The following RASAL2 variants were observed in gnomAD, a reference collection of about 807,000 sequenced individuals.
RASAL2 encodes the protein RAS protein activator like 2.
A neutral mutation model predicts 128.9 loss-of-function variants in RASAL2; 58 were observed. The observed-to-expected ratio is 0.45, with a 90% confidence interval of 0.36 to 0.56. RASAL2 has a LOEUF of 0.56. Among genes scored for constraint, RASAL2 ranks in the 20% least tolerant of loss-of-function variants. RASAL2 has a pLI of 0.00. For missense variants in RASAL2, 1,360 were observed against 1,601.6 expected, an observed-to-expected ratio of 0.85 and a Z score of 2.57; for synonymous variants, 561 against 580.8, an observed-to-expected ratio of 0.97 and a Z score of 0.49.
chr1:178,242,280 A>G (rs1462278768), intron 1 of RASAL2, among the ~76,000 whole-genome samples: 1 of 152,106 alleles, frequency 6.6e-6, no homozygotes, highest in Non-Finnish European at 1.5e-5. Context: ...ACTCATGAGG[A>G]TACTTACACG....
chr1:178,445,738 T>C (rs1194135185), intron 9 of RASAL2, 76 bp downstream of exon 9: 1 of 1,423,630 alleles, frequency 7.0e-7, no homozygotes, highest in Non-Finnish European at 9.4e-7. Flanking sequence ...TGAGACGAAT[T>C]GAGCTCAAAT....
chr1:178,121,737 C>T lies in RASAL2; in HGVS notation c.202+27043C>T, dbSNP rs536858336. On this transcript the variant is annotated intron_variant, in intron 1 of 17. Coordinates refer to ENST00000367649, the MANE Select transcript of RASAL2 (RefSeq NM_170692.4). ...CCTGACCTCAGGTGATCTGCCCAGT[C>T]AGCCTCCCAAAGTGCTGGGATTACA... is the stretch of plus-strand genomic sequence containing the variant. Among the ~76,000 whole-genome samples the T allele has an allele frequency of 1.1e-4, 16 of 152,262 alleles. No individual in the cohort carries two copies. In the South Asian group the frequency reaches 2.1e-3, roughly 20 times the overall value.
At chr1:178,298,294 C>A (rs1667607658) in intron 2 of RASAL2, among the ~76,000 whole-genome samples, 1 of 152,102 alleles carries the variant, frequency 6.6e-6, no homozygotes, top group African/African-American at 2.4e-5. Context: ...GACTTCATGT[C>A]TTTATTGATG....
intron 4 of RASAL2, among the ~76,000 whole-genome samples, chr1:178,417,433 A>G (rs1189684525): frequency 1.3e-5 from 2 of 152,134 alleles, no homozygotes; most frequent in African/African-American, 4.8e-5. Context: ...ATTAAATACA[A>G]TGTATCATAT....
At chr1:178,106,450 A>G (rs1274950947) in intron 1 of RASAL2, among the ~76,000 whole-genome samples, 2 of 152,116 alleles carry the variant, frequency 1.3e-5, no homozygotes, top group Non-Finnish European at 2.9e-5. Flanking sequence ...CCTATTTTGA[A>G]ATGGCTGCTT....
At chr1:178,129,603 G>A (rs1406435942) in intron 1 of RASAL2, among the ~76,000 whole-genome samples, 1 of 151,786 alleles carries the variant, frequency 6.6e-6, no homozygotes, top group African/African-American at 2.4e-5. Flanking sequence ...AGTTCAGTTC[G>A]TCAGGTTTTT....
intron 1 of RASAL2, among the ~76,000 whole-genome samples, chr1:178,215,433 C>T (rs1309808538): frequency 6.6e-6 from 1 of 152,188 alleles, no homozygotes; most frequent in African/African-American, 2.4e-5. Flanking sequence ...TGGAAGAACC[C>T]AGGATTCTGA....
chr1:178,369,928 G>A (rs888251506), intron 3 of RASAL2, among the ~76,000 whole-genome samples: 1 of 152,088 alleles, frequency 6.6e-6, no homozygotes, highest in African/African-American at 2.4e-5. Flanking sequence ...ATGAAAGTAC[G>A]GACGTGAGAG....
intron 1 of RASAL2, among the ~76,000 whole-genome samples, chr1:178,162,319 ATATTAT>A: frequency 7.8e-6 from 1 of 128,086 alleles, no homozygotes; most frequent in Non-Finnish European, 1.6e-5. Context: ...AATGTATTAT[ATATTAT>A]ATTTATAATA....
chr1:178,094,628 G>T lies in RASAL2; in HGVS notation c.136G>T (p.Gly46Cys), dbSNP rs966333857. The change falls in exon 1 of 18, where the codon GGT becomes TGT. Residue 46 changes from glycine (G) to cysteine (C), a missense_variant. By Grantham distance (159) the Gly-to-Cys change is radical (BLOSUM62 -3). Coordinates refer to ENST00000367649, the MANE Select transcript of RASAL2 (RefSeq NM_170692.4). ...TGTCCCAGTCAGTGGAGCCGTCGCC[G>T]GTGGCATGTTGGATCGGATCCTTCT... Reference protein sequence around the residue: ...AVVPVSGAVAGGMLDRILLES... With the variant: ...AVVPVSGAVACGMLDRILLES... 1.9e-6 allele frequency: 3 copies of T among 1,613,668 alleles called. No homozygotes were observed. Among genetic ancestry groups the T allele is most frequent in the Non-Finnish European group, 2.5e-6 (3 of 1,179,942 alleles).
At chr1:178,173,589 C>G (rs1661776878) in intron 1 of RASAL2, among the ~76,000 whole-genome samples, 1 of 151,930 alleles carries the variant, frequency 6.6e-6, no homozygotes, top group Admixed American at 6.6e-5. Flanking sequence ...AAAGAAGTGC[C>G]TAAGGTCATG....
intron 1 of RASAL2, among the ~76,000 whole-genome samples, chr1:178,217,061 C>T (rs1464200845): frequency 6.6e-6 from 1 of 151,970 alleles, no homozygotes; most frequent in Non-Finnish European, 1.5e-5. Flanking sequence ...CTGCAACCTC[C>T]ACCTCCCGGG....
At position 178,458,380 on chromosome 1, in the gene RASAL2, C is replaced by T. The variant is rs766343735; in HGVS notation, c.3088C>T (p.Pro1030Ser). Residue 1030 changes from proline (P) to serine (S), a missense_variant, in exon 14 of 18, where the codon CCA becomes TCA. Around this residue, in one of 3 missense-constraint regions of RASAL2, gnomAD observed 741 missense variants for 868.6 expected, o/e 0.85. Coordinates refer to ENST00000367649, the MANE Select transcript of RASAL2 (RefSeq NM_170692.4). ...CCGAGCCAAAGCCCCACCATCCCTG[C>T]CACACAGTGCTTCTTTACGTAGCAC... is the stretch of plus-strand genomic sequence containing the variant. ...GARAKAPPSLPHSASLRSTGS... is the reference protein window; with the variant it reads ...GARAKAPPSLSHSASLRSTGS... 238 of 1,614,104 alleles carry T rather than the reference C, an allele frequency of 1.5e-4. No individual in the cohort carries two copies. Among genetic ancestry groups the T allele is most frequent in the Non-Finnish European group, 1.9e-4 (228 of 1,180,052 alleles).
intron 1 of RASAL2, among the ~76,000 whole-genome samples, chr1:178,279,212 A>G (rs1253353523): frequency 6.6e-6 from 1 of 152,204 alleles, no homozygotes; most frequent in Non-Finnish European, 1.5e-5. Flanking sequence ...TATATATTAT[A>G]GTTACATAAC....
chr1:178,118,801 C>T (rs535732818), intron 1 of RASAL2, among the ~76,000 whole-genome samples: 1 of 152,232 alleles, frequency 6.6e-6, no homozygotes, highest in African/African-American at 2.4e-5. Context: ...CATTCTCTCC[C>T]GAAATGACAG....
At chr1:178,418,122 A>G (rs1293946941) in intron 4 of RASAL2, among the ~76,000 whole-genome samples, 1 of 152,126 alleles carries the variant, frequency 6.6e-6, no homozygotes, top group Non-Finnish European at 1.5e-5. Context: ...CTTGAACAAC[A>G]TGGGGGTTAG....
chr1:178,454,092 T>A (rs1250723603), intron 11 of RASAL2, among the ~76,000 whole-genome samples: 5 of 151,446 alleles, frequency 3.3e-5, no homozygotes, highest in African/African-American at 1.2e-4. Context: ...ATGTGTAATA[T>A]ATTTGGGAGA....
At chr1:178,193,439 A>T (rs892759864) in intron 1 of RASAL2, among the ~76,000 whole-genome samples, 1 of 152,216 alleles carries the variant, frequency 6.6e-6, no homozygotes, top group Non-Finnish European at 1.5e-5. Flanking sequence ...ATGAATTTTT[A>T]TATTGAAAAT....
At chr1:178,409,213 A>C (rs369875404) in intron 4 of RASAL2, among the ~76,000 whole-genome samples, 2 of 152,152 alleles carry the variant, frequency 1.3e-5, no homozygotes, top group East Asian at 1.9e-4. Flanking sequence ...AGATGATCTG[A>C]GGACACACTG....
Sources: allele counts gnomAD v4.1 joint callset (sites outside exome capture counted in the v4.1 genomes callset), GRCh38; gene constraint gnomAD v4.1.1; regional missense constraint gnomAD v4.1.1; transcripts MANE v1.5; gene names NCBI Gene and HGNC (gene_info 2026-07-23, HGNC 2026-07-21).